Variants in CFDP1 observed in about 807,000 individuals in gnomAD.
CFDP1 encodes heterochromatin-stabilizing protein CFDP1.
CFDP1 carries 31 observed loss-of-function variants against 40.1 expected under a neutral mutation model. The ratio of observed to expected loss-of-function variants is 0.77; its 90% confidence interval spans 0.58 to 1.04. The LOEUF (loss-of-function observed/expected upper bound fraction) is 1.04. Ranked by LOEUF, CFDP1 falls within the 50% of genes least tolerant of loss-of-function variation. The probability of loss-of-function intolerance (pLI) is 0.00; values close to 1 mark genes in which losing one functional copy is unlikely to be tolerated. For missense variants in CFDP1, 423 were observed against 343.4 expected (o/e 1.23, Z -1.83); for synonymous variants, 167 against 120.0 (o/e 1.39, Z -2.56).
intron 5 of CFDP1, among the ~76,000 whole-genome samples, chr16:75,375,583 G>A (rs2078786185): frequency 1.3e-5 from 2 of 152,182 alleles, no homozygotes; most frequent in African/African-American, 4.8e-5. Context: ...CCTCAGGTCA[G>A]GAGTTCAAGA....
chr16:75,412,762 C>G lies in CFDP1; in HGVS notation c.183-8G>C. The G allele has an allele frequency of 3.7e-6, 6 of 1,607,060 alleles. No individual in the cohort carries two copies. Among genetic ancestry groups the G allele is most frequent in the Non-Finnish European group, 5.1e-6 (6 of 1,175,114 alleles). ...CCACCTTGTCTTCTCTTCCTAATCA[C>G]CAGCAGTCACAGGAAAAAGGAAAGA... is the stretch of plus-strand genomic sequence containing the variant. On this transcript the variant is annotated splice_region_variant and splice_polypyrimidine_tract_variant and intron_variant, in intron 2 of 6. Transcript: ENST00000283882.
chr16:75,307,294 C>A (rs1286737353), intron 5 of CFDP1, among the ~76,000 whole-genome samples: 1 of 152,068 alleles, frequency 6.6e-6, no homozygotes, highest in Admixed American at 6.5e-5. Flanking sequence ...CGGCTCACTG[C>A]AACCTCCGCC....
chr16:75,297,155 T>TGTGG (rs2078188693), intron 6 of CFDP1, among the ~76,000 whole-genome samples: 1 of 136,506 alleles, frequency 7.3e-6, no homozygotes, highest in Admixed American at 7.4e-5. Context: ...CTTGTGTGTG[T>TGTGG]GTGTGTGTGT....
At chr16:75,383,131 T>C (rs2078865340) in intron 5 of CFDP1, among the ~76,000 whole-genome samples, 1 of 152,222 alleles carries the variant, frequency 6.6e-6, no homozygotes, top group Non-Finnish European at 1.5e-5. Context: ...TTATTTCAGC[T>C]TAAATTTATC....
intron 4 of CFDP1, 57 bp downstream of exon 4, chr16:75,411,766 TAG>T (rs1238192096): frequency 9.9e-6 from 15 of 1,518,190 alleles, no homozygotes; most frequent in Admixed American, 3.7e-5. Flanking sequence ...TAACACCAGT[TAG>T]AGAGAGACGC....
intron 5 of CFDP1, among the ~76,000 whole-genome samples, chr16:75,377,100 G>C (rs1317794148): frequency 1.3e-5 from 2 of 152,196 alleles, no homozygotes; most frequent in Non-Finnish European, 2.9e-5. Context: ...GCAAAGCCAA[G>C]ACCCTCCAGG....
chr16:75,332,323 G>C (rs758827223), intron 5 of CFDP1, among the ~76,000 whole-genome samples: 1 of 151,986 alleles, frequency 6.6e-6, no homozygotes, highest in Non-Finnish European at 1.5e-5. Context: ...AAATTAGCAC[G>C]CTGTAGTGGC....
chr16:75,302,936 C>G (rs2078230907), intron 6 of CFDP1, among the ~76,000 whole-genome samples: 1 of 152,208 alleles, frequency 6.6e-6, no homozygotes, highest in African/African-American at 2.4e-5. Context: ...TGGCTCACAC[C>G]TGTAATCCCA....
chr16:75,412,793 C>G (rs772480264), intron 2 of CFDP1, 39 bp from the exon 3 acceptor site: 1 of 1,532,512 alleles, frequency 6.5e-7, no homozygotes, highest in Admixed American at 1.7e-5. Context: ...AAAGACAGCA[C>G]AAAACGATTT....
intron 5 of CFDP1, among the ~76,000 whole-genome samples, chr16:75,375,554 G>A (rs2078785612): frequency 6.6e-6 from 1 of 152,128 alleles, no homozygotes; most frequent in Non-Finnish European, 1.5e-5. Context: ...CACTTTGGGA[G>A]GCCGAGGCGG....
chr16:75,326,931 C>T (rs1029128568), intron 5 of CFDP1, among the ~76,000 whole-genome samples: 2 of 152,138 alleles, frequency 1.3e-5, no homozygotes, highest in African/African-American at 2.4e-5. Flanking sequence ...AAATTTAGCT[C>T]CCATAAACCT....
intron 5 of CFDP1, among the ~76,000 whole-genome samples, chr16:75,321,245 G>T (rs1018873943): frequency 3.3e-5 from 5 of 152,182 alleles, no homozygotes; most frequent in Admixed American, 2.0e-4. Context: ...AATTACAGGC[G>T]TGAGCCACAG....
chr16:75,329,466 T>C (rs1234038591), intron 5 of CFDP1, among the ~76,000 whole-genome samples: 1 of 152,218 alleles, frequency 6.6e-6, no homozygotes, highest in African/African-American at 2.4e-5. Flanking sequence ...ATAACCAGTT[T>C]GGCTTAATTG....
At chr16:75,358,555 C>G (rs1454647319) in intron 5 of CFDP1, among the ~76,000 whole-genome samples, 2 of 152,150 alleles carry the variant, frequency 1.3e-5, no homozygotes, top group East Asian at 1.9e-4. Flanking sequence ...TAAAGCACTT[C>G]TGCCAAGAGT....
chr16:75,324,470 G>A (rs2078389398), intron 5 of CFDP1, among the ~76,000 whole-genome samples: 1 of 152,112 alleles, frequency 6.6e-6, no homozygotes, highest in East Asian at 1.9e-4. Context: ...GGCTGGGCGC[G>A]GTGGCTCATG....
chr16:75,366,514 T>C (rs1008121646), intron 5 of CFDP1, among the ~76,000 whole-genome samples: 6 of 151,864 alleles, frequency 4.0e-5, no homozygotes, highest in Non-Finnish European at 7.4e-5. Context: ...TCCCAGCTAC[T>C]GGGGAGGCTG....
chr16:75,397,090 A>AT (rs893380278), intron 4 of CFDP1, among the ~76,000 whole-genome samples: 39 of 151,858 alleles, frequency 2.6e-4, no homozygotes, highest in East Asian at 1.4e-3. Flanking sequence ...ATTTTTTTGT[A>AT]TTTTTAGTAG....
intron 1 of CFDP1, among the ~76,000 whole-genome samples, chr16:75,432,988 G>C (rs868574086): frequency 6.6e-6 from 1 of 152,206 alleles, no homozygotes; most frequent in Admixed American, 6.5e-5. Flanking sequence ...CAGCGGTGTC[G>C]TTCGGGGCTG....
At chr16:75,376,477 T>G (rs2151543932) in intron 5 of CFDP1, among the ~76,000 whole-genome samples, 1 of 152,230 alleles carries the variant, frequency 6.6e-6, no homozygotes, top group African/African-American at 2.4e-5. Context: ...GGTAAAAGAA[T>G]CCAGGCACAA....
Sources: allele counts gnomAD v4.1 joint callset (sites outside exome capture counted in the v4.1 genomes callset), GRCh38; gene constraint gnomAD v4.1.1; transcripts MANE v1.5; gene names NCBI Gene and HGNC (gene_info 2026-07-23, HGNC 2026-07-21).